NRP1: variants seen among roughly 807,000 people sequenced by gnomAD.
The protein encoded by NRP1 is neuropilin 1.
A neutral mutation model predicts 106.7 loss-of-function variants in NRP1; 35 were observed. The ratio of observed to expected loss-of-function variants is 0.33; its 90% CI spans 0.25 to 0.43. The LOEUF (loss-of-function observed/expected upper bound fraction) is 0.43, where lower values mean the gene tolerates loss of function less well. Ranked by LOEUF, NRP1 falls within the 20% of genes least tolerant of loss-of-function variation. NRP1 has a pLI of 1.00. For missense variants in NRP1, 1,024 were observed against 1,170.4 expected, an observed-to-expected ratio of 0.87 and a Z score of 1.83; for synonymous variants, 437 against 417.9, an observed-to-expected ratio of 1.05 and a Z score of -0.56.
chr10:33,287,637 T>C (rs1375722850), intron 2 of NRP1, among the ~76,000 whole-genome samples: 1 of 152,202 alleles, frequency 6.6e-6, no homozygotes, highest in Non-Finnish European at 1.5e-5. Flanking sequence ...GTTGACTTGA[T>C]AAGACCATGG....
At chr10:33,222,968 A>T (rs550528838) in intron 7 of NRP1, among the ~76,000 whole-genome samples, 3 of 152,314 alleles carry the variant, frequency 2.0e-5, no homozygotes, top group African/African-American at 7.2e-5. Flanking sequence ...TCTGAGGACT[A>T]GAGAGTTTAC....
intron 15 of NRP1, among the ~76,000 whole-genome samples, chr10:33,185,281 A>G (rs1264992690): frequency 6.6e-6 from 1 of 152,198 alleles, no homozygotes; most frequent in Non-Finnish European, 1.5e-5. Flanking sequence ...AGATATTTGG[A>G]ATTATCCAGA....
rs754822166 is a variant in NRP1 at position 33,213,522 on chromosome 10, T to C, written c.1478A>G (p.Lys493Arg). 1 of 1,614,028 alleles carries C rather than the reference T, an allele frequency of 6.2e-7. No homozygotes were observed. The highest frequency in any genetic ancestry group is 8.5e-7 in the Non-Finnish European group (1 of 1,180,002). The change falls in exon 9 of 17, where the codon AAG becomes AGG. Residue 493 changes from lysine to arginine, a missense_variant. This residue lies in a region of NRP1 where 562 missense variants were observed against 620.3 expected (regional missense o/e 0.91). Transcript: ENST00000374867. ...EWLQIDLGEE[K>R]IVRGIIIQGG... ...CTGAATGATGATGCCCCTCACGATCTTCTCCTCCCCCAGGTCTATTTGGAG... is the reference window on the plus strand; with the variant it reads ...CTGAATGATGATGCCCCTCACGATCCTCTCCTCCCCCAGGTCTATTTGGAG...
At chr10:33,285,214 G>A (rs1360120312) in intron 2 of NRP1, among the ~76,000 whole-genome samples, 1 of 152,210 alleles carries the variant, frequency 6.6e-6, no homozygotes, top group Non-Finnish European at 1.5e-5. Context: ...GTCTCCCTGA[G>A]AGCAGGAATC....
chr10:33,334,375 C>T lies in NRP1; in HGVS notation c.8G>A (p.Arg3Lys), dbSNP rs866275912. The change falls in exon 1 of 17, where the codon AGG (arginine) becomes AAG (lysine). Residue 3 changes from arginine to lysine, a missense_variant. By Grantham distance (26) the Arg-to-Lys change is conservative. Around this residue, in one of 5 missense-constraint regions of NRP1, gnomAD observed 279 missense variants for 327.4 expected, o/e 0.85. Coordinates refer to ENST00000374867, the MANE Select transcript of NRP1 (RefSeq NM_003873.7). MERGLPLLCAVLA... is the reference protein window; with the variant it reads MEKGLPLLCAVLA... The stretch of plus-strand genomic sequence containing the variant: ...CACGGCGCAGAGGAGCGGCAGCCCC[C>T]TCTCCATTCTCCCTTCTCCGGGTCC... 1 of 1,545,576 alleles carries T rather than the reference C, an allele frequency of 6.5e-7. No individual in the cohort carries two copies. The highest frequency in any genetic ancestry group is 8.7e-7 in the Non-Finnish European group (1 of 1,147,164).
At chr10:33,256,166 C>G in intron 5 of NRP1, 150 bp downstream of exon 5, 1 of 725,268 alleles carries the variant, frequency 1.4e-6, no homozygotes, top group East Asian at 2.6e-5. Context: ...CCTATTGATA[C>G]TCATAAAAAA....
chr10:33,272,705 G>A (rs1843392316), intron 2 of NRP1, among the ~76,000 whole-genome samples: 1 of 152,106 alleles, frequency 6.6e-6, no homozygotes, highest in African/African-American at 2.4e-5. Context: ...GACAAGGCAG[G>A]TTTGCATGTT....
At chr10:33,221,227 G>T (rs1042370496) in intron 8 of NRP1, among the ~76,000 whole-genome samples, 2 of 152,048 alleles carry the variant, frequency 1.3e-5, no homozygotes, top group African/African-American at 2.4e-5. Flanking sequence ...AAGAAACAAA[G>T]AAATAAATAA....
intron 1 of NRP1, among the ~76,000 whole-genome samples, chr10:33,331,107 G>A (rs978788303): frequency 6.6e-6 from 1 of 152,102 alleles, no homozygotes; most frequent in East Asian, 1.9e-4. Flanking sequence ...GATCTGAGAG[G>A]ACTCTTCCCC....
intron 1 of NRP1, among the ~76,000 whole-genome samples, chr10:33,333,325 T>G (rs997641672): frequency 1.9e-4 from 29 of 152,150 alleles, no homozygotes; most frequent in Non-Finnish European, 4.3e-4. Flanking sequence ...CACAAAACCT[T>G]GAAAAAGCAT....
intron 2 of NRP1, among the ~76,000 whole-genome samples, chr10:33,317,650 C>G (rs1847133451): frequency 6.6e-6 from 1 of 152,150 alleles, no homozygotes; most frequent in South Asian, 2.1e-4. Context: ...GGCTTATGGT[C>G]TGAATGCACT....
chr10:33,200,971 G>A (rs1008870827), intron 11 of NRP1: 16 of 152,154 alleles, frequency 1.1e-4, no homozygotes, highest in Non-Finnish European at 1.6e-4. Flanking sequence ...GTATATGAGA[G>A]TATTTATAGA....
chr10:33,269,400 C>T (rs527423358), intron 3 of NRP1, among the ~76,000 whole-genome samples: 1 of 152,302 alleles, frequency 6.6e-6, no homozygotes, highest in South Asian at 2.1e-4. Context: ...CTCAGGCAGC[C>T]CTCCCACCTC....
chr10:33,258,983 G>A (rs1346051953), intron 4 of NRP1, among the ~76,000 whole-genome samples: 1 of 152,064 alleles, frequency 6.6e-6, no homozygotes, highest in African/African-American at 2.4e-5. Flanking sequence ...GTGGGCAAAT[G>A]TTTACAGCCC....
chr10:33,332,294 T>C (rs2132983855), intron 1 of NRP1, among the ~76,000 whole-genome samples: 1 of 152,312 alleles, frequency 6.6e-6, no homozygotes, highest in South Asian at 2.1e-4. Context: ...ATGTTGCAAC[T>C]GGAGTTCAAA....
chr10:33,266,052 A>C (rs2133261588), intron 3 of NRP1, among the ~76,000 whole-genome samples: 1 of 152,282 alleles, frequency 6.6e-6, no homozygotes. Flanking sequence ...CTTTGGCTAC[A>C]TTCTTGTAAG....
chr10:33,182,087 T>A (rs1835722673), intron 16 of NRP1, among the ~76,000 whole-genome samples: 1 of 152,064 alleles, frequency 6.6e-6, no homozygotes, highest in East Asian at 1.9e-4. Context: ...AGAGACAGAC[T>A]CTGTCTCAAG....
At chr10:33,194,506 C>T in intron 12 of NRP1, 2 of 266,970 alleles carry the variant, frequency 7.5e-6, no homozygotes, top group South Asian at 4.1e-5. Context: ...TTGAAATGAC[C>T]AGGACATGGA....
chr10:33,237,118 G>A (rs1840620624), intron 6 of NRP1, among the ~76,000 whole-genome samples: 1 of 152,024 alleles, frequency 6.6e-6, no homozygotes, highest in Admixed American at 6.6e-5. Flanking sequence ...ACACATCGTA[G>A]CCACTCAAAC....
Sources: allele counts gnomAD v4.1 joint callset (sites outside exome capture counted in the v4.1 genomes callset), GRCh38; gene constraint gnomAD v4.1.1; regional missense constraint gnomAD v4.1.1; transcripts MANE v1.5; gene names NCBI Gene and HGNC (gene_info 2026-07-23, HGNC 2026-07-21).